The following TBC1D1 variants were observed in gnomAD, a reference collection of about 807,000 sequenced individuals.
The protein encoded by TBC1D1 is TBC1 (tre-2/USP6, BUB2, cdc16) domain family, member 1.
In TBC1D1, 89 loss-of-function variants were observed where a neutral mutation model predicts 125.6. That is an observed-to-expected ratio of 0.71 (90% CI 0.60 to 0.85). The LOEUF is 0.85. Among genes scored for constraint, TBC1D1 ranks in the 40% least tolerant of loss-of-function variants. The pLI, the probability that TBC1D1 is intolerant of heterozygous loss-of-function variation, is 0.00. For missense variants in TBC1D1, 1,377 were observed against 1,469.2 expected, an observed-to-expected ratio of 0.94 and a Z score of 1.03; for synonymous variants, 565 against 564.1, an observed-to-expected ratio of 1.00 and a Z score of -0.02.
chr4:37,980,481 TGTTA>T (rs1440779062), intron 2 of TBC1D1, among the ~76,000 whole-genome samples: 1 of 152,268 alleles, frequency 6.6e-6, no homozygotes, highest in African/African-American at 2.4e-5. Context: ...TCCATGTATC[TGTTA>T]GTCAAAACTG....
At chr4:37,908,945 A>C (rs763980964) in intron 2 of TBC1D1, among the ~76,000 whole-genome samples, 1 of 152,248 alleles carries the variant, frequency 6.6e-6, no homozygotes, top group Non-Finnish European at 1.5e-5. Context: ...TCCTTTGACA[A>C]AACGGGTTTT....
chr4:37,963,885 A>C lies in TBC1D1; in HGVS notation c.418-50624A>C, dbSNP rs114957226. Among the ~76,000 whole-genome samples the C allele has an allele frequency of 3.7e-3, 566 of 152,302 alleles. 3 individuals are homozygous for C. Among genetic ancestry groups the C allele is most frequent in the South Asian group, 4.3e-3 (21 of 4,828 alleles). On this transcript the variant is annotated intron_variant, in intron 2 of 19. Coordinates refer to ENST00000261439, the MANE Select transcript of TBC1D1 (RefSeq NM_015173.4). Reference sequence around the variant, plus strand: ...CTGCTCTTTTTCCCCCCAATGGCTCATTTGTACTTGGCATTTGGTGCCTGC... The same window carrying C: ...CTGCTCTTTTTCCCCCCAATGGCTCCTTTGTACTTGGCATTTGGTGCCTGC...
At chr4:37,917,224 G>A (rs975511071) in intron 2 of TBC1D1, among the ~76,000 whole-genome samples, 7 of 151,448 alleles carry the variant, frequency 4.6e-5, no homozygotes, top group African/African-American at 9.7e-5. Flanking sequence ...CTGTAATCCC[G>A]GCATTTTGGG....
chr4:37,971,429 A>G (rs1731997780), intron 2 of TBC1D1, among the ~76,000 whole-genome samples: 1 of 152,192 alleles, frequency 6.6e-6, no homozygotes, highest in Admixed American at 6.5e-5. Flanking sequence ...GAGCCGAACA[A>G]AAAGGGTTTT....
At chr4:37,981,450 A>G (rs1242396670) in intron 2 of TBC1D1, among the ~76,000 whole-genome samples, 3 of 152,190 alleles carry the variant, frequency 2.0e-5, no homozygotes, top group Admixed American at 1.3e-4. Context: ...GGATTTAGCA[A>G]CCGACAAGCA....
At chr4:38,067,495 C>T (rs1187806833) in intron 12 of TBC1D1, among the ~76,000 whole-genome samples, 2 of 152,210 alleles carry the variant, frequency 1.3e-5, no homozygotes, top group Non-Finnish European at 2.9e-5. Flanking sequence ...CTTTCTCTTG[C>T]AGACAAGGCA....
chr4:38,062,739 T>C (rs1261350115), intron 12 of TBC1D1, among the ~76,000 whole-genome samples: 4 of 152,018 alleles, frequency 2.6e-5, no homozygotes, highest in Non-Finnish European at 5.9e-5. Context: ...TGTTAACAAT[T>C]GTGAGTTAAC....
In TBC1D1 at chr4:38,103,066, G is replaced by A; in HGVS notation, c.2466G>A (p.Gln822=). The change falls in exon 15 of 20, where the codon CAG becomes CAA. Residue 822 remains glutamine, a synonymous_variant. Transcript: ENST00000261439. ...CTGAGCAATTCCACCTTAAACACCA[G>A]TTTCCCAGCAAACAGCAGCCAAAGG... 1 of 1,614,126 alleles carries A rather than the reference G, an allele frequency of 6.2e-7. No homozygotes were observed. Among genetic ancestry groups the A allele is most frequent in the Non-Finnish European group, 8.5e-7 (1 of 1,180,014 alleles).
chr4:38,064,944 T>A (rs200737774), intron 12 of TBC1D1, among the ~76,000 whole-genome samples: 14 of 150,682 alleles, frequency 9.3e-5, no homozygotes, highest in Admixed American at 9.2e-4. Context: ...TTTTTTTTTT[T>A]CTTTGAGATG....
At chr4:38,073,819 G>A (rs1239001914) in intron 12 of TBC1D1, among the ~76,000 whole-genome samples, 1 of 152,170 alleles carries the variant, frequency 6.6e-6, no homozygotes, top group Admixed American at 6.5e-5. Flanking sequence ...CCTAATAGGG[G>A]TCTGAAGGAA....
intron 12 of TBC1D1, among the ~76,000 whole-genome samples, chr4:38,076,425 G>A (rs1209441683): frequency 6.6e-6 from 1 of 152,154 alleles, no homozygotes; most frequent in Non-Finnish European, 1.5e-5. Context: ...AAGTGCGCAT[G>A]TCTGGCCCTG....
intron 1 of TBC1D1, among the ~76,000 whole-genome samples, chr4:37,897,691 A>G (rs530536970): frequency 2.6e-5 from 4 of 152,350 alleles, no homozygotes; most frequent in South Asian, 2.1e-4. Flanking sequence ...TAACTGCATC[A>G]TCTAAAATAA....
intron 11 of TBC1D1, among the ~76,000 whole-genome samples, 173 bp from the exon 14 acceptor site, chr4:38,054,026 G>A (rs1032701772): frequency 1.3e-5 from 2 of 152,216 alleles, no homozygotes; most frequent in African/African-American, 2.4e-5. Context: ...CTGTAAGAAA[G>A]CAGTTCTTTA....
At chr4:38,008,191 C>T (rs1368452281) in intron 2 of TBC1D1, among the ~76,000 whole-genome samples, 1 of 152,156 alleles carries the variant, frequency 6.6e-6, no homozygotes, top group South Asian at 2.1e-4. Flanking sequence ...TGCTGGCCAC[C>T]CAACATTTTA....
intron 2 of TBC1D1, among the ~76,000 whole-genome samples, chr4:37,943,024 A>G (rs1225797299): frequency 1.3e-5 from 2 of 152,222 alleles, no homozygotes; most frequent in African/African-American, 2.4e-5. Context: ...CTTGCAGGAC[A>G]GGCCTGGTGG....
rs543667987 is a variant in TBC1D1, at chr4:38,027,618, A to G, written c.1211-170A>G. Among the ~76,000 whole-genome samples, 21 of 152,186 alleles carry G rather than the reference A, an allele frequency of 1.4e-4. No homozygotes were observed. In the East Asian group the frequency reaches 4.1e-3, roughly 29 times the overall value. ...ACCACTGCAATCCAGCCTGGGTGAC[A>G]GAGTGGGATTCCATGTCAAAAAAAA... On this transcript the variant is annotated intron_variant, in intron 6 of 19. Transcript: ENST00000261439.
At chr4:38,004,112 A>G (rs1328274208) in intron 2 of TBC1D1, among the ~76,000 whole-genome samples, 1 of 152,212 alleles carries the variant, frequency 6.6e-6, no homozygotes, top group East Asian at 1.9e-4. Flanking sequence ...ATTCCAAGCT[A>G]CAGAGTTCCC....
At chr4:38,094,561 G>A (rs1052867411) in intron 13 of TBC1D1, among the ~76,000 whole-genome samples, 2 of 152,136 alleles carry the variant, frequency 1.3e-5, no homozygotes, top group African/African-American at 4.8e-5. Context: ...ACTGATTTTA[G>A]GCAGCAGTGT....
chr4:37,939,946 T>A (rs552328786), intron 2 of TBC1D1, among the ~76,000 whole-genome samples: 163 of 152,344 alleles, frequency 1.1e-3, no homozygotes, highest in African/African-American at 3.8e-3. Flanking sequence ...CAGTTTGAAG[T>A]CAGGTAGCAT....
Sources: gnomAD v4.1 joint callset for allele counts (sites outside exome capture counted in the v4.1 genomes callset) on GRCh38, gnomAD v4.1.1 for gene constraint, MANE v1.5 for transcripts, NCBI Gene and HGNC (gene_info 2026-07-23, HGNC 2026-07-21) for gene names.